The following CDK6 variants were observed in gnomAD, a reference collection of about 807,000 sequenced individuals.
CDK6 encodes the protein cyclin dependent kinase 6, also known as cyclin-dependent kinase 6.
CDK6 carries 6 observed loss-of-function variants against 37.1 expected under a neutral mutation model. That is an observed-to-expected ratio of 0.16 (90% confidence interval 0.09 to 0.32). The LOEUF (loss-of-function observed/expected upper bound fraction) is 0.32, where lower values mean the gene tolerates loss of function less well. CDK6 is among the 10% of genes least tolerant of loss of function. The probability of loss-of-function intolerance (pLI) is 1.00; values close to 1 mark genes in which losing one functional copy is unlikely to be tolerated. For synonymous variants in CDK6, 160 were observed against 161.3 expected (o/e 0.99, Z 0.06); for missense variants, 224 against 418.9 (o/e 0.53, Z 4.06).
At chr7:92,688,376 G>A (rs1797512814) in intron 4 of CDK6, among the ~76,000 whole-genome samples, 1 of 152,034 alleles carries the variant, frequency 6.6e-6, no homozygotes, top group South Asian at 2.1e-4. Flanking sequence ...GGACTTTCTT[G>A]GTAATGACAG....
chr7:92,725,873 A>C (rs1243834712), intron 3 of CDK6, 80 bp from the exon 4 acceptor site: 7 of 1,333,688 alleles, frequency 5.2e-6, no homozygotes, highest in Non-Finnish European at 6.3e-6. Context: ...CCGAATCCTT[A>C]GCATTTTGTG....
At chr7:92,775,140 CA>C (rs1799817919) in intron 2 of CDK6, among the ~76,000 whole-genome samples, 2 of 152,210 alleles carry the variant, frequency 1.3e-5, no homozygotes, top group African/African-American at 4.8e-5. Flanking sequence ...TAGAACTTGC[CA>C]ATGGGGATAA....
intron 3 of CDK6, among the ~76,000 whole-genome samples, chr7:92,749,045 A>G (rs1799126000): frequency 6.6e-6 from 1 of 151,866 alleles, no homozygotes; most frequent in South Asian, 2.1e-4. Flanking sequence ...CTAAAAATAC[A>G]AAACTTAGCC....
Position 92,774,765 on chromosome 7 carries a change from A to G in CDK6, c.300T>C (p.His100=), listed in dbSNP as rs1471439130. The G allele has an allele frequency of 1.2e-6, 2 of 1,613,154 alleles. No homozygotes were observed. Among genetic ancestry groups the G allele is most frequent in the Admixed American group, 1.7e-5 (1 of 59,868 alleles). ...AGTAAGTGGTCAAGTCTTGATCGAC[A>G]TGTTCAAACACTAAAGTTAGTTTGG... is the stretch of plus-strand genomic sequence containing the variant. ...RETKLTLVFE[H]VDQDLTTYLD... The change falls in exon 3 of 8, where the codon CAT becomes CAC. Residue 100 remains histidine (H), a synonymous_variant. Coordinates refer to ENST00000424848, the MANE Select transcript of CDK6 (RefSeq NM_001145306.2).
chr7:92,826,830 T>C (rs1462148434), intron 2 of CDK6, among the ~76,000 whole-genome samples: 1 of 152,156 alleles, frequency 6.6e-6, no homozygotes, highest in Non-Finnish European at 1.5e-5. Flanking sequence ...AGTGCTTATC[T>C]AAGGGGTTTA....
chr7:92,707,035 A>T (rs1797984619), intron 4 of CDK6, among the ~76,000 whole-genome samples: 1 of 152,234 alleles, frequency 6.6e-6, no homozygotes, highest in Admixed American at 6.5e-5. Flanking sequence ...TCTCCCTAAG[A>T]TGTTAGTAAT....
chr7:92,741,376 G>A (rs1340771783), intron 3 of CDK6, among the ~76,000 whole-genome samples: 2 of 152,216 alleles, frequency 1.3e-5, no homozygotes, highest in African/African-American at 4.8e-5. Context: ...TTTAGTTTAA[G>A]TGTGTCCCAT....
chr7:92,641,876 T>C (rs1796315438), intron 5 of CDK6, among the ~76,000 whole-genome samples: 1 of 152,168 alleles, frequency 6.6e-6, no homozygotes, highest in Non-Finnish European at 1.5e-5. Flanking sequence ...CACACAGCCT[T>C]AGATAAGAAA....
At chr7:92,804,078 T>C (rs1584105517) in intron 2 of CDK6, among the ~76,000 whole-genome samples, 1 of 152,216 alleles carries the variant, frequency 6.6e-6, no homozygotes, top group East Asian at 1.9e-4. Flanking sequence ...AAGAAAAATA[T>C]AAAACATAAT....
intron 5 of CDK6, among the ~76,000 whole-genome samples, chr7:92,656,216 A>C (rs1796695385): frequency 2.0e-5 from 3 of 152,174 alleles, no homozygotes; most frequent in Non-Finnish European, 4.4e-5. Flanking sequence ...TATTTCTGTA[A>C]GAATATACCC....
At chr7:92,670,887 T>C (rs1797057956) in intron 5 of CDK6, among the ~76,000 whole-genome samples, 1 of 152,274 alleles carries the variant, frequency 6.6e-6, no homozygotes, top group Admixed American at 6.5e-5. Context: ...TCCTTGGTCT[T>C]GTTTCTGTCC....
At chr7:92,816,973 C>A (rs1236920499) in intron 2 of CDK6, among the ~76,000 whole-genome samples, 3 of 151,816 alleles carry the variant, frequency 2.0e-5, no homozygotes, top group Non-Finnish European at 2.9e-5. Context: ...AGACAAATCC[C>A]TTGAAAAATA....
intron 5 of CDK6, among the ~76,000 whole-genome samples, chr7:92,627,334 C>T (rs1429148738): frequency 6.6e-6 from 1 of 151,994 alleles, no homozygotes; most frequent in East Asian, 1.9e-4. Flanking sequence ...AAGGTCTGTG[C>T]CCCTGAAAAT....
At chr7:92,771,566 C>A (rs2115769863) in intron 3 of CDK6, among the ~76,000 whole-genome samples, 1 of 152,256 alleles carries the variant, frequency 6.6e-6, no homozygotes, top group South Asian at 2.1e-4. Context: ...ACTTAAATAA[C>A]CATACAGAAT....
intron 2 of CDK6, among the ~76,000 whole-genome samples, chr7:92,805,774 C>T (rs561964843): frequency 7.2e-5 from 11 of 152,316 alleles, no homozygotes; most frequent in African/African-American, 1.9e-4. Context: ...TTGTTCCCCC[C>T]GTACAATAAA....
At chr7:92,649,873 G>A (rs189060837) in intron 5 of CDK6, among the ~76,000 whole-genome samples, 19 of 152,286 alleles carry the variant, frequency 1.2e-4, no homozygotes, top group African/African-American at 4.3e-4. Context: ...TTACCTTCTA[G>A]TTGGGTTGAG....
intron 5 of CDK6, among the ~76,000 whole-genome samples, chr7:92,644,942 A>G (rs1796409527): frequency 6.6e-6 from 1 of 152,216 alleles, no homozygotes; most frequent in Admixed American, 6.5e-5. Flanking sequence ...CTGCATGTCC[A>G]AAGAGGCAAG....
chr7:92,751,971 T>C (rs1019089105), intron 3 of CDK6, among the ~76,000 whole-genome samples: 29 of 152,172 alleles, frequency 1.9e-4, no homozygotes, highest in African/African-American at 6.3e-4. Context: ...TAAAGAGCAC[T>C]GACAAAGATA....
chr7:92,614,976 G>A lies in CDK6; in HGVS notation c.*164C>T. 1.7e-6 allele frequency: 1 copy of A among 603,094 alleles called. No homozygotes were observed. Among genetic ancestry groups the A allele is most frequent in the South Asian group, 2.6e-5 (1 of 38,934 alleles). 37.4% of individuals were successfully genotyped at this position (603,094 alleles called of 1,614,324 possible). ...TCACTCTTGCATTGATTTCAAAACA[G>A]TAAACTAGGCGGTTTCCTTGGAGAA... is the stretch of plus-strand genomic sequence containing the variant. On this transcript the variant is annotated 3_prime_UTR_variant, in exon 8 of 8. Coordinates refer to ENST00000424848, the MANE Select transcript of CDK6 (RefSeq NM_001145306.2).
Sources: gnomAD v4.1 joint callset for allele counts (sites outside exome capture counted in the v4.1 genomes callset) on GRCh38, gnomAD v4.1.1 for gene constraint, MANE v1.5 for transcripts, NCBI Gene and HGNC (gene_info 2026-07-23, HGNC 2026-07-21) for gene names.